The following LPAR3 variants were observed in gnomAD, a reference collection of about 807,000 sequenced individuals.
The protein encoded by LPAR3 is lysophosphatidic acid receptor 3.
LPAR3 carries 7 observed loss-of-function variants against 17.8 expected under a neutral mutation model. The ratio of observed to expected loss-of-function variants is 0.39; its 90% CI spans 0.22 to 0.74. The LOEUF (loss-of-function observed/expected upper bound fraction) is 0.74, where lower values mean the gene tolerates loss of function less well. Ranked by LOEUF, LPAR3 falls within the 30% of genes least tolerant of loss-of-function variation. The pLI is 0.40. For missense variants in LPAR3, 391 were observed against 453.4 expected (o/e 0.86, Z 1.25); for synonymous variants, 179 against 179.9 (o/e 0.99, Z 0.04).
chr1:84,857,239 A>C (rs970734901), intron 2 of LPAR3, among the ~76,000 whole-genome samples: 5 of 152,200 alleles, frequency 3.3e-5, no homozygotes, highest in Non-Finnish European at 5.9e-5. Context: ...GCTCTTTAGA[A>C]TCAAACTAAG....
chr1:84,818,091 G>GT (rs1476445855), intron 2 of LPAR3, among the ~76,000 whole-genome samples: 1 of 152,156 alleles, frequency 6.6e-6, no homozygotes, highest in Admixed American at 6.5e-5. Context: ...TCTCTGTGCT[G>GT]TAGTTACCTC....
chr1:84,859,216 C>A (rs1024265729), intron 2 of LPAR3, among the ~76,000 whole-genome samples: 2 of 152,124 alleles, frequency 1.3e-5, no homozygotes, highest in Non-Finnish European at 2.9e-5. Flanking sequence ...TCTGGCAAGG[C>A]TCTTTATGGT....
chr1:84,813,589 C>T lies in LPAR3; in HGVS notation c.*257G>A, dbSNP rs751452283. 1 of 396,686 alleles carries T rather than the reference C, an allele frequency of 2.5e-6. No individual in the cohort carries two copies. Among genetic ancestry groups the T allele is most frequent in the Non-Finnish European group, 4.5e-6 (1 of 220,240 alleles). The allele number at this position is 396,686 out of a possible 1,614,324, so 24.6% of individuals were successfully genotyped here. A position where few individuals can be genotyped will look rare whatever the true frequency, so the allele number is the denominator to read the frequency against. On this transcript the variant is annotated 3_prime_UTR_variant, in exon 3 of 3. Coordinates refer to ENST00000370611, the MANE Select transcript of LPAR3 (RefSeq NM_012152.3). The stretch of plus-strand genomic sequence containing the variant: ...AACCCAGAAGGCCCAGCTGGACTGA[C>T]AGGAGCTCTGAGCAGTTCATAGGAC...
At chr1:84,873,213 G>C (rs556891001) in intron 1 of LPAR3, among the ~76,000 whole-genome samples, 6 of 152,252 alleles carry the variant, frequency 3.9e-5, no homozygotes, top group African/African-American at 1.4e-4. Context: ...ACAGATTTTA[G>C]TTAACGTTAA....
At chr1:84,873,231 C>T (rs1660190360) in intron 1 of LPAR3, among the ~76,000 whole-genome samples, 1 of 152,054 alleles carries the variant, frequency 6.6e-6, no homozygotes, top group African/African-American at 2.4e-5. Context: ...TAACATATCC[C>T]TATCAGTTCA....
intron 2 of LPAR3, among the ~76,000 whole-genome samples, chr1:84,859,368 A>C (rs982567821): frequency 6.6e-6 from 1 of 152,172 alleles, no homozygotes; most frequent in African/African-American, 2.4e-5. Context: ...GGAGGGAGGA[A>C]GAAGTGAGAA....
chr1:84,825,438 G>T (rs928849575), intron 2 of LPAR3, among the ~76,000 whole-genome samples: 1 of 152,186 alleles, frequency 6.6e-6, no homozygotes, highest in Non-Finnish European at 1.5e-5. Context: ...CCAAGATGAT[G>T]TAAGGGCACG....
intron 1 of LPAR3, among the ~76,000 whole-genome samples, chr1:84,870,648 C>T (rs965248382): frequency 2.6e-5 from 4 of 152,148 alleles, no homozygotes; most frequent in Admixed American, 1.3e-4. Flanking sequence ...AAGCATTTTA[C>T]ATGGATTATC....
chr1:84,855,571 G>A (rs1397984090), intron 2 of LPAR3, among the ~76,000 whole-genome samples: 1 of 152,166 alleles, frequency 6.6e-6, no homozygotes, highest in East Asian at 1.9e-4. Context: ...TAAGAGGAAG[G>A]TTTCAGTTTT....
At chr1:84,842,546 G>A (rs1302119738) in intron 2 of LPAR3, among the ~76,000 whole-genome samples, 1 of 152,182 alleles carries the variant, frequency 6.6e-6, no homozygotes, top group Admixed American at 6.5e-5. Flanking sequence ...CACTTAAGTA[G>A]ATTAGTTTTC....
intron 2 of LPAR3, among the ~76,000 whole-genome samples, chr1:84,841,193 C>T (rs1254518138): frequency 1.3e-5 from 2 of 152,116 alleles, no homozygotes; most frequent in African/African-American, 2.4e-5. Flanking sequence ...AATGAATTCC[C>T]GAAACTCCAT....
At chr1:84,820,538 A>C (rs1659033413) in intron 2 of LPAR3, among the ~76,000 whole-genome samples, 1 of 152,226 alleles carries the variant, frequency 6.6e-6, no homozygotes. Flanking sequence ...CAAGTGGTTC[A>C]GGATGGTTTT....
intron 2 of LPAR3, among the ~76,000 whole-genome samples, chr1:84,826,182 T>C (rs1223424811): frequency 2.6e-5 from 4 of 151,118 alleles, no homozygotes; most frequent in Non-Finnish European, 4.4e-5. Context: ...TGTATATATA[T>C]ACATATATAG....
intron 1 of LPAR3, among the ~76,000 whole-genome samples, chr1:84,868,483 A>C (rs887543823): frequency 1.3e-5 from 2 of 152,168 alleles, no homozygotes; most frequent in African/African-American, 4.8e-5. Flanking sequence ...GTGATACTCA[A>C]TTTAAATATT....
chr1:84,829,689 C>T (rs1004221086), intron 2 of LPAR3, among the ~76,000 whole-genome samples: 6 of 151,690 alleles, frequency 4.0e-5, no homozygotes, highest in Admixed American at 1.3e-4. Flanking sequence ...ACTATAATGA[C>T]GAAAATATGC....
intron 2 of LPAR3, among the ~76,000 whole-genome samples, chr1:84,834,949 C>T (rs912180113): frequency 6.6e-6 from 1 of 152,216 alleles, no homozygotes; most frequent in African/African-American, 2.4e-5. Context: ...AGTCTTTTGA[C>T]AATGAGTTAA....
intron 1 of LPAR3, among the ~76,000 whole-genome samples, chr1:84,877,940 G>A (rs1660288767): frequency 1.3e-5 from 2 of 152,014 alleles, no homozygotes; most frequent in Non-Finnish European, 2.9e-5. Context: ...TGGTTATAAG[G>A]GGATTTGGAA....
intron 1 of LPAR3, among the ~76,000 whole-genome samples, chr1:84,879,575 T>C (rs1302229428): frequency 6.6e-6 from 1 of 152,248 alleles, no homozygotes. Context: ...CCTCCCAAAG[T>C]GATGGGATTA....
Position 84,813,758 on chromosome 1 carries a change from T to G in LPAR3, c.*88A>C. 9.1e-7 allele frequency: 1 copy of G among 1,094,260 alleles called. No individual in the cohort carries two copies. Among genetic ancestry groups the G allele is most frequent in the Non-Finnish European group, 1.3e-6 (1 of 762,496 alleles). 67.8% of individuals were successfully genotyped at this position (1,094,260 alleles called of 1,614,324 possible). On this transcript the variant is annotated 3_prime_UTR_variant, in exon 3 of 3. Coordinates refer to ENST00000370611, the MANE Select transcript of LPAR3 (RefSeq NM_012152.3). ...GATTAATGGAGACCTCAAATAACAC[T>G]GTACATGGGCTTTGTTAGAGACAGG...
Sources: allele counts gnomAD v4.1 joint callset (sites outside exome capture counted in the v4.1 genomes callset), GRCh38; gene constraint gnomAD v4.1.1; transcripts MANE v1.5; gene names NCBI Gene and HGNC (gene_info 2026-07-23, HGNC 2026-07-21).